Variants in TAFA5 observed in about 807,000 individuals in gnomAD.
TAFA5 encodes chemokine-like protein TAFA-5.
Under a neutral mutation model 15.3 loss-of-function variants are expected in TAFA5, and 6 were observed. That is an observed-to-expected ratio of 0.39 (90% CI 0.21 to 0.77). The LOEUF (loss-of-function observed/expected upper bound fraction) is 0.77. Among genes scored for constraint, TAFA5 ranks in the 30% least tolerant of loss-of-function variants. The probability of loss-of-function intolerance (pLI) is 0.41; values close to 1 mark genes in which losing one functional copy is unlikely to be tolerated. For missense variants in TAFA5, 161 were observed against 193.1 expected (o/e 0.83, Z 0.98); for synonymous variants, 103 against 80.7 (o/e 1.28, Z -1.48).
intron 2 of TAFA5, among the ~76,000 whole-genome samples, chr22:48,707,188 G>T (rs1251055277): frequency 6.6e-6 from 1 of 152,136 alleles, no homozygotes; most frequent in Non-Finnish European, 1.5e-5. Flanking sequence ...TAGGATGGGG[G>T]CCAGGGGTGG....
intron 2 of TAFA5, among the ~76,000 whole-genome samples, chr22:48,685,526 A>G (rs1337338740): frequency 1.3e-5 from 2 of 152,138 alleles, no homozygotes; most frequent in African/African-American, 4.8e-5. Flanking sequence ...GGAATTTGGT[A>G]TCTTATTGCC....
chr22:48,510,455 G>A (rs1032714850), intron 1 of TAFA5, among the ~76,000 whole-genome samples: 1 of 152,228 alleles, frequency 6.6e-6, no homozygotes. Context: ...GATGTTCGGT[G>A]TTCATTGTTT....
intron 2 of TAFA5, among the ~76,000 whole-genome samples, chr22:48,700,464 G>A (rs867521041): frequency 3.9e-5 from 6 of 152,168 alleles, no homozygotes; most frequent in African/African-American, 9.7e-5. Context: ...GAAAAAGAAC[G>A]GTCTCAGGAT....
chr22:48,676,516 G>C (rs1056874806), intron 2 of TAFA5, among the ~76,000 whole-genome samples: 4 of 152,074 alleles, frequency 2.6e-5, no homozygotes, highest in Admixed American at 2.6e-4. Context: ...TCCCAGGTAT[G>C]CCTGGTGGTC....
intron 2 of TAFA5, among the ~76,000 whole-genome samples, chr22:48,657,113 A>T (rs1927279327): frequency 6.6e-6 from 1 of 152,166 alleles, no homozygotes; most frequent in Non-Finnish European, 1.5e-5. Context: ...ACAAATCTCT[A>T]GCTAGGCTGA....
intron 3 of TAFA5, among the ~76,000 whole-genome samples, chr22:48,733,856 A>G: frequency 6.6e-6 from 1 of 152,194 alleles, no homozygotes; most frequent in East Asian, 1.9e-4. Flanking sequence ...CCAGAGCTGC[A>G]AATGCATATA....
intron 1 of TAFA5, among the ~76,000 whole-genome samples, chr22:48,531,528 G>C (rs1921972254): frequency 6.6e-6 from 1 of 152,232 alleles, no homozygotes; most frequent in Admixed American, 6.5e-5. Flanking sequence ...CAGTCGACAT[G>C]TGGGTTACTG....
chr22:48,591,849 C>T (rs1924579666), intron 1 of TAFA5, among the ~76,000 whole-genome samples: 1 of 152,200 alleles, frequency 6.6e-6, no homozygotes. Context: ...CCCGACCTCC[C>T]CCACGGAGTC....
chr22:48,597,903 G>A (rs73889125), intron 1 of TAFA5, among the ~76,000 whole-genome samples: 1,591 of 152,340 alleles, frequency 0.01, 25 homozygotes, highest in African/African-American at 0.036. Context: ...CGCACGGGCC[G>A]ATTATGACTT....
At chr22:48,577,238 C>T (rs1284872150) in intron 1 of TAFA5, among the ~76,000 whole-genome samples, 1 of 152,194 alleles carries the variant, frequency 6.6e-6, no homozygotes, top group South Asian at 2.1e-4. Context: ...CTGGAGAGGC[C>T]CTTTGTACTG....
chr22:48,514,483 G>T (rs890004492), intron 1 of TAFA5, among the ~76,000 whole-genome samples: 5 of 152,222 alleles, frequency 3.3e-5, no homozygotes, highest in African/African-American at 1.2e-4. Context: ...CCAACATGGG[G>T]TTAATTGAGG....
rs1920935191 is a variant in TAFA5, at chr22:48,497,924, T to TGGGGCCTACCTGGAGGC, written c.112+8226_112+8227insTACCTGGAGGCGGGGCC. ...CTGGAGGCGGGGCTGAAGGGTGGGGTGGGGCCCACCTGGAGGCGGGGCTGA... is the reference window on the plus strand; with the variant it reads ...CTGGAGGCGGGGCTGAAGGGTGGGGTGGGGCCTACCTGGAGGCGGGGCCCACCTGGAGGCGGGGCTGA... On this transcript the variant is annotated intron_variant, in intron 1 of 3. Transcript: ENST00000402357. Among the ~76,000 whole-genome samples the TGGGGCCTACCTGGAGGC allele has an allele frequency of 7.2e-5, 2 of 27,720 alleles. 1 individual carries two copies. The highest frequency in any genetic ancestry group is 1.3e-4 in the Non-Finnish European group (2 of 15,366). The allele number at this position is 27,720 out of a possible 152,430, so 18.2% of individuals were successfully genotyped here.
At chr22:48,571,507 T>A (rs1373596306) in intron 1 of TAFA5, among the ~76,000 whole-genome samples, 2 of 148,000 alleles carry the variant, frequency 1.4e-5, no homozygotes, top group East Asian at 4.1e-4. Flanking sequence ...TCTCCTGACC[T>A]CGTGATCTGC....
intron 1 of TAFA5, among the ~76,000 whole-genome samples, chr22:48,586,089 C>G (rs559987769): frequency 6.6e-6 from 1 of 152,256 alleles, no homozygotes; most frequent in Admixed American, 6.5e-5. Context: ...CCCTGGCCCT[C>G]GCTGGCTGGG....
At chr22:48,576,242 CG>C in intron 1 of TAFA5, 15 of 441,804 alleles carry the variant, frequency 3.4e-5, no homozygotes, top group Non-Finnish European at 4.9e-5. Context: ...CTAACCTCCC[CG>C]CCCCCGCCCG....
intron 3 of TAFA5, among the ~76,000 whole-genome samples, chr22:48,720,380 A>G (rs1453330293): frequency 6.6e-6 from 1 of 152,078 alleles, no homozygotes; most frequent in African/African-American, 2.4e-5. Flanking sequence ...ACGTGACCCA[A>G]CATCTCAGGG....
chr22:48,693,256 A>G lies in TAFA5; in HGVS notation c.263-14461A>G, dbSNP rs551320390. ...GCAGGATGAGTCCAGAGCCATGAAA[A>G]TGCTCAGACCTTTTCATCCCATAAT... On this transcript the variant is annotated intron_variant, in intron 2 of 3. Transcript: ENST00000402357. 3.2e-6 allele frequency: 5 copies of G among 1,554,196 alleles called. No individual in the cohort carries two copies. In the East Asian group the frequency reaches 9.6e-5, roughly 30 times the overall value.
At chr22:48,491,164 G>C (rs1928140321) in intron 1 of TAFA5, among the ~76,000 whole-genome samples, 1 of 152,230 alleles carries the variant, frequency 6.6e-6, no homozygotes, top group Non-Finnish European at 1.5e-5. Context: ...CTGGCCGCCT[G>C]CAGGGAGCAG....
chr22:48,604,597 G>A (rs905421919), intron 1 of TAFA5, among the ~76,000 whole-genome samples: 2 of 152,232 alleles, frequency 1.3e-5, no homozygotes, highest in Admixed American at 6.5e-5. Context: ...CCTTGGGCCA[G>A]GTCCTCTTGC....
Sources: gnomAD v4.1 joint callset for allele counts (sites outside exome capture counted in the v4.1 genomes callset) on GRCh38, gnomAD v4.1.1 for gene constraint, MANE v1.5 for transcripts, NCBI Gene and HGNC (gene_info 2026-07-23, HGNC 2026-07-21) for gene names.